NSD2: variants seen among roughly 807,000 people sequenced by gnomAD.
NSD2 encodes nuclear receptor binding SET domain protein 2, also known as histone-lysine N-methyltransferase NSD2.
NSD2 carries 12 observed loss-of-function variants against 139.0 expected under a neutral mutation model. The ratio of observed to expected loss-of-function variants is 0.09; its 90% confidence interval spans 0.06 to 0.14. NSD2 has a LOEUF of 0.14. NSD2 is among the 10% of genes least tolerant of loss of function. The pLI, the probability that NSD2 is intolerant of heterozygous loss-of-function variation, is 1.00. For missense variants in NSD2, 1,155 were observed against 1,745.0 expected (o/e 0.66, Z 6.02); for synonymous variants, 669 against 648.7 (o/e 1.03, Z -0.48).
At chr4:1,966,587 G>A (rs1198901446) in intron 18 of NSD2, among the ~76,000 whole-genome samples, 1 of 151,606 alleles carries the variant, frequency 6.6e-6, no homozygotes, top group African/African-American at 2.4e-5. Flanking sequence ...AACCCGGGAG[G>A]CGGAACTTGC....
chr4:1,908,514 A>C (rs1718238284), intron 3 of NSD2, among the ~76,000 whole-genome samples: 1 of 152,274 alleles, frequency 6.6e-6, no homozygotes, highest in Non-Finnish European at 1.5e-5. Context: ...GAAGGAGTCA[A>C]GCCTGGGTAG....
intron 18 of NSD2, among the ~76,000 whole-genome samples, chr4:1,965,600 A>T (rs972245127): frequency 3.3e-5 from 5 of 152,262 alleles, no homozygotes. Flanking sequence ...GCTACTCATT[A>T]CATGCAAGGT....
chr4:1,884,617 C>T (rs1399364160), intron 1 of NSD2, among the ~76,000 whole-genome samples: 2 of 152,014 alleles, frequency 1.3e-5, no homozygotes, highest in Non-Finnish European at 2.9e-5. Context: ...TGGTCTCGAT[C>T]TCCTGACCTC....
Position 1,884,132 on chromosome 4 carries a change from G to A in NSD2, c.-30+12590G>A, listed in dbSNP as rs149676700. ...CGGGGAGGAGATGGGGTCTTGCTCTGTCACCCAGGCTGGAGTGCAGTGGCA... is the reference window on the plus strand; with the variant it reads ...CGGGGAGGAGATGGGGTCTTGCTCTATCACCCAGGCTGGAGTGCAGTGGCA... On this transcript the variant is annotated intron_variant, in intron 1 of 21. Transcript: ENST00000508803. 1.2e-4 allele frequency among the ~76,000 whole-genome samples: 18 copies of A among 152,194 alleles called. No homozygotes were observed. In the East Asian group the frequency reaches 3.5e-3, roughly 29 times the overall value.
rs1560593903 is a variant in NSD2, at chr4:1,901,094, G to GTGC, written c.446_448dup (p.Ala149dup). ...TTTGAATCTTCCATTTGTGGTGACA[G>GTGC]TGCTGCTGATGTGTCTCAGTCAGAA... On this transcript the variant is annotated inframe_insertion, in exon 2 of 22. Coordinates refer to ENST00000508803, the MANE Select transcript of NSD2 (RefSeq NM_001042424.3). The GTGC allele has an allele frequency of 6.2e-7, 1 of 1,614,218 alleles. No individual in the cohort carries two copies. Among genetic ancestry groups the GTGC allele is most frequent in the Non-Finnish European group, 8.5e-7 (1 of 1,180,046 alleles).
intron 1 of NSD2, among the ~76,000 whole-genome samples, chr4:1,877,613 GCTGTGCCTGACTC>G (rs1223968738): frequency 1.3e-5 from 2 of 152,124 alleles, no homozygotes; most frequent in African/African-American, 4.8e-5. Flanking sequence ...CACACTGAAT[GCTGTGCCTGACTC>G]CTGCCTGTTT....
At chr4:1,938,103 A>G (rs1040684496) in intron 7 of NSD2, among the ~76,000 whole-genome samples, 9 of 152,190 alleles carry the variant, frequency 5.9e-5, no homozygotes, top group African/African-American at 1.7e-4. Context: ...TGCATGTTCA[A>G]TAAGACTCGT....
chr4:1,910,611 C>T (rs1718540486), intron 3 of NSD2, among the ~76,000 whole-genome samples: 2 of 151,924 alleles, frequency 1.3e-5, no homozygotes, highest in South Asian at 4.2e-4. Flanking sequence ...ATTAACCCTC[C>T]TTGCTTTATA....
At chr4:1,894,697 A>T (rs1716015582) in intron 1 of NSD2, among the ~76,000 whole-genome samples, 1 of 151,920 alleles carries the variant, frequency 6.6e-6, no homozygotes, top group South Asian at 2.1e-4. Flanking sequence ...AAAAATGAAA[A>T]GAAGAAGTTG....
At chr4:1,872,633 A>AGAGAGAGAGAGAGAGAGAGC (rs1203166315) in intron 1 of NSD2, among the ~76,000 whole-genome samples, 10 of 131,030 alleles carry the variant, frequency 7.6e-5, no homozygotes, top group East Asian at 4.4e-4. Context: ...AGAGAGAGAG[A>AGAGAGAGAGAGAGAGAGAGC]GAGCGCGCAG....
At chr4:1,945,617 T>C in intron 9 of NSD2, 3 of 1,064,730 alleles carry the variant, frequency 2.8e-6, no homozygotes, top group Middle Eastern at 4.2e-4. Context: ...GGCTGTGAGC[T>C]GGGCTTCTGT....
chr4:1,940,028 C>T, intron 9 of NSD2: 5 of 1,349,346 alleles, frequency 3.7e-6, no homozygotes, highest in Non-Finnish European at 4.8e-6. Context: ...ATACTTCAGT[C>T]TTGATGCAGT....
chr4:1,902,901 G>C (rs1224079223), intron 2 of NSD2, among the ~76,000 whole-genome samples: 2 of 152,092 alleles, frequency 1.3e-5, no homozygotes, highest in Non-Finnish European at 2.9e-5. Context: ...CAGGCCTGAT[G>C]GGGTGGCTCA....
Position 1,981,465 on chromosome 4 carries a change from C to A in NSD2, c.*2556C>A, listed in dbSNP as rs765503285. 5 of 240,570 alleles carry A rather than the reference C, an allele frequency of 2.1e-5. No individual in the cohort carries two copies. Among genetic ancestry groups the A allele is most frequent in the Non-Finnish European group, 3.2e-5 (4 of 123,378 alleles). The allele number at this position is 240,570 out of a possible 1,614,324, so 14.9% of individuals were successfully genotyped here. On this transcript the variant is annotated 3_prime_UTR_variant, in exon 22 of 22. Coordinates refer to ENST00000508803, the MANE Select transcript of NSD2 (RefSeq NM_001042424.3). ...ATTAATGTGAAGCAAAACACAAAAACCGCCCCAATCCCTCAGGATTCCTTG... is the reference window on the plus strand; with the variant it reads ...ATTAATGTGAAGCAAAACACAAAAAACGCCCCAATCCCTCAGGATTCCTTG...
chr4:1,927,049 A>G (rs1194152618), intron 5 of NSD2, among the ~76,000 whole-genome samples: 4 of 152,190 alleles, frequency 2.6e-5, no homozygotes, highest in Non-Finnish European at 5.9e-5. Context: ...CTGGGGCTAC[A>G]TCATCCTAAG....
At chr4:1,952,841 G>A in intron 11 of NSD2, 1 of 1,249,166 alleles carries the variant, frequency 8.0e-7, no homozygotes. Flanking sequence ...CGGGCCCAAG[G>A]AGTCTCCTAT....
intron 18 of NSD2, among the ~76,000 whole-genome samples, chr4:1,963,485 G>A (rs575763753): frequency 6.6e-6 from 1 of 152,330 alleles, no homozygotes; most frequent in South Asian, 2.1e-4. Flanking sequence ...GAAGCCCTAG[G>A]TCTGTGCCTT....
rs1359899690 is a variant in NSD2 at position 1,904,213 on chromosome 4, C to T, written c.598-3C>T. ...GTGTTTGTCTTCTGTTGTTCATTTT[C>T]AGATTCCAGCTAAGAAAGAGTCTTG... On this transcript the variant is annotated splice_region_variant and splice_polypyrimidine_tract_variant and intron_variant, in intron 2 of 21. Transcript: ENST00000508803. 1.2e-6 allele frequency: 2 copies of T among 1,611,946 alleles called. No homozygotes were observed. Among genetic ancestry groups the T allele is most frequent in the African/African-American group, 1.3e-5 (1 of 74,876 alleles).
At chr4:1,896,802 C>T (rs1468415337) in intron 1 of NSD2, among the ~76,000 whole-genome samples, 1 of 146,422 alleles carries the variant, frequency 6.8e-6, no homozygotes, top group Non-Finnish European at 1.5e-5. Context: ...TTCTTTCTCT[C>T]TCATTCTTTC....
Sources: gnomAD v4.1 joint callset for allele counts (sites outside exome capture counted in the v4.1 genomes callset) on GRCh38, gnomAD v4.1.1 for gene constraint, MANE v1.5 for transcripts, NCBI Gene and HGNC (gene_info 2026-07-23, HGNC 2026-07-21) for gene names.